Variants in GPR33 observed in about 807,000 individuals in gnomAD.
GPR33 encodes the protein probable G protein-coupled receptor 33.
In GPR33, 4 loss-of-function variants were observed where a neutral mutation model predicts 3.1. The ratio of observed to expected loss-of-function variants is 1.29; its 90% CI spans 0.64 to 2.96. The LOEUF (loss-of-function observed/expected upper bound fraction) is 2.96. GPR33 is among the 30% of genes most tolerant of loss of function. The pLI, the probability that GPR33 is intolerant of heterozygous loss-of-function variation, is 0.01. For synonymous variants in GPR33, 138 were observed against 142.0 expected (o/e 0.97, Z 0.20); for missense variants, 390 against 388.9 (o/e 1.00, Z -0.02).
intron 1 of GPR33, among the ~76,000 whole-genome samples, chr14:31,487,507 C>T (rs2139381311): frequency 7.4e-6 from 1 of 134,938 alleles, no homozygotes; most frequent in Admixed American, 8.3e-5. Flanking sequence ...TGGCGTGATC[C>T]TGGCTCACTG....
intron 1 of GPR33, among the ~76,000 whole-genome samples, chr14:31,487,525 C>G (rs192869532): frequency 6.7e-6 from 1 of 148,332 alleles, no homozygotes; most frequent in Non-Finnish European, 1.5e-5. Flanking sequence ...CTGCAACCTC[C>G]GCCTCCTGGG....
chr14:31,487,446 T>G (rs935662713), intron 1 of GPR33, among the ~76,000 whole-genome samples: 1 of 135,630 alleles, frequency 7.4e-6, no homozygotes, highest in Admixed American at 7.3e-5. Flanking sequence ...TTTTTTTTTT[T>G]TTTTTTTTTT....
At position 31,482,981 on chromosome 14, in the gene GPR33, C is replaced by A. The variant is rs1003327329; in HGVS notation, c.985G>T (p.Glu329Ter). The change falls in exon 2 of 2, where the codon GAA becomes TAA. Residue 329 changes from glutamate to a stop codon, truncating the protein, a stop_gained. Transcript: ENST00000399285. LOFTEE classifies it high-confidence loss of function. ...TTCTGAGTTTAGGTTTGTGTCCTTT[C>A]TACAGAAGAATCTTCACTAAATGTT... ...ESTFSEDSSV[E>*]RTQT The A allele has an allele frequency of 1.6e-5, 25 of 1,519,072 alleles. No homozygotes were observed. Among genetic ancestry groups the A allele is most frequent in the Middle Eastern group, 3.4e-4 (2 of 5,870 alleles). 94.1% of individuals were successfully genotyped at this position (1,519,072 alleles called of 1,614,324 possible). A position where few individuals can be genotyped will look rare whatever the true frequency, so the allele number is the denominator to read the frequency against.
intron 1 of GPR33, among the ~76,000 whole-genome samples, chr14:31,485,581 C>A (rs1041296350): frequency 6.6e-6 from 1 of 150,740 alleles, no homozygotes; most frequent in Non-Finnish European, 1.5e-5. Context: ...TTGCAGTGAG[C>A]CGAACCGAGA....
Position 31,483,542 on chromosome 14 carries a change from G to A in GPR33, c.424C>T (p.Pro142Ser), listed in dbSNP as rs1220667205. Reference sequence around the variant, plus strand: ...AGGACAATGCTGGAAGCCCAGCGCGGGGTTCGGTGCTGCTGGGACCACACT... The same window carrying A: ...AGGACAATGCTGGAAGCCCAGCGCGAGGTTCGGTGCTGCTGGGACCACACT... Reference protein sequence around the residue: ...HPVWSQQHRTPRWASSIVLGV... With the variant: ...HPVWSQQHRTSRWASSIVLGV... Residue 142 changes from proline (P) to serine (S), a missense_variant, in exon 2 of 2, where the codon CCG becomes TCG. Transcript: ENST00000399285. The A allele has an allele frequency of 1.3e-6, 2 of 1,536,136 alleles. No individual in the cohort carries two copies. Among genetic ancestry groups the A allele is most frequent in the Non-Finnish European group, 1.7e-6 (2 of 1,146,912 alleles).
Position 31,487,959 on chromosome 14 carries a change from A to G in GPR33, c.-69T>C, listed in dbSNP as rs2032438098. On this transcript the variant is annotated 5_prime_UTR_variant, in exon 1 of 2. Coordinates refer to ENST00000399285, the MANE Select transcript of GPR33 (RefSeq NM_001197184.3). ...AGGCCAAAGTGACTCTACACCATCA[A>G]TTTCTCACTAGGAACAGAGTGAACA... 1 of 152,114 alleles carries G rather than the reference A, an allele frequency of 6.6e-6. No individual in the cohort carries two copies. Among genetic ancestry groups the G allele is most frequent in the Non-Finnish European group, 1.5e-5 (1 of 68,034 alleles). The allele number at this position is 152,114 out of a possible 1,614,324, so 9.4% of individuals were successfully genotyped here.
At chr14:31,484,813 G>C (rs1398686830) in intron 1 of GPR33, among the ~76,000 whole-genome samples, 1 of 152,070 alleles carries the variant, frequency 6.6e-6, no homozygotes. Flanking sequence ...CTATTGTCTA[G>C]TATTCTAATA....
chr14:31,484,050 T>C, intron 1 of GPR33, 79 bp from the exon 2 acceptor site: 1 of 1,162,720 alleles, frequency 8.6e-7, no homozygotes, highest in African/African-American at 1.6e-5. Context: ...AAAGAGTAAT[T>C]TTTTACATAG....
At chr14:31,486,754 A>G (rs2032423154) in intron 1 of GPR33, among the ~76,000 whole-genome samples, 4 of 152,216 alleles carry the variant, frequency 2.6e-5, no homozygotes, top group Admixed American at 1.3e-4. Context: ...GGGGATTTAA[A>G]AATAGGAATG....
intron 1 of GPR33, among the ~76,000 whole-genome samples, chr14:31,485,880 T>C (rs1490096419): frequency 6.6e-6 from 1 of 152,142 alleles, no homozygotes; most frequent in Admixed American, 6.5e-5. Context: ...TGTTTGATTA[T>C]CTAAAATATC....
intron 1 of GPR33, among the ~76,000 whole-genome samples, chr14:31,487,484 G>C (rs981323576): frequency 1.1e-4 from 13 of 118,314 alleles, no homozygotes; most frequent in Non-Finnish European, 1.8e-4. Context: ...CTGTCCCCCA[G>C]GCTGGAGTGC....
intron 1 of GPR33, among the ~76,000 whole-genome samples, chr14:31,487,467 T>A (rs2032433279): frequency 9.3e-6 from 1 of 107,508 alleles, no homozygotes; most frequent in Non-Finnish European, 1.8e-5. Context: ...TCAGATGGAG[T>A]CTTGCTCTGT....
chr14:31,483,387 C>G lies in GPR33; in HGVS notation c.579G>C (p.Glu193Asp). Residue 193 changes from glutamate to aspartate, a missense_variant, in exon 2 of 2, where the codon GAG becomes GAC. Coordinates refer to ENST00000399285, the MANE Select transcript of GPR33 (RefSeq NM_001197184.3). ...GAATCCACTGCCTTGATGCTTGCAT[C>G]TCCTTGCTTTCCCAGTTAGTAGACA... ...YAVSTNWESK[E>D]MQASRQWIHV... 6.5e-7 allele frequency: 1 copy of G among 1,536,166 alleles called. No homozygotes were observed. Among genetic ancestry groups the G allele is most frequent in the Non-Finnish European group, 8.7e-7 (1 of 1,146,918 alleles).
intron 1 of GPR33, among the ~76,000 whole-genome samples, chr14:31,484,558 G>A (rs1388787441): frequency 6.6e-6 from 1 of 152,170 alleles, no homozygotes; most frequent in African/African-American, 2.4e-5. Flanking sequence ...GTGTTGGGAT[G>A]ACAGGTGTGA....
At chr14:31,484,550 G>A (rs550076614) in intron 1 of GPR33, among the ~76,000 whole-genome samples, 67 of 152,294 alleles carry the variant, frequency 4.4e-4, no homozygotes, top group Admixed American at 1.3e-3. Flanking sequence ...CTCGCAAAGT[G>A]TTGGGATGAC....
chr14:31,487,440 T>TTTG (rs1555375924), intron 1 of GPR33, among the ~76,000 whole-genome samples: 1 of 130,802 alleles, frequency 7.6e-6, no homozygotes, highest in Non-Finnish European at 1.6e-5. Flanking sequence ...CAGTTTTTTT[T>TTTG]TTTTTTTTTT....
rs1257473481 is a variant in GPR33 at position 31,483,257 on chromosome 14, G to A, written c.709C>T (p.Leu237=). 6 of 1,536,004 alleles carry A rather than the reference G, an allele frequency of 3.9e-6. No individual in the cohort carries two copies. Among genetic ancestry groups the A allele is most frequent in the East Asian group, 2.4e-5 (1 of 40,936 alleles). Residue 237 remains leucine, a synonymous_variant, in exon 2 of 2, where the codon CTG becomes TTG. Transcript: ENST00000399285. ...RVASKVKERS[L]FKSSKPFKVM... ...TTGAAGGGCTTGCTGGATTTAAACA[G>A]GCTCCTCTCTTTCACCTTGCTGGCT...
rs941753074 is a variant in GPR33, at chr14:31,484,048, A to AT, written c.-6-78dup. The stretch of plus-strand genomic sequence containing the variant: ...GTTAAATGTAAAAATTTAAAGAGTA[A>AT]TTTTTTACATAGTGATACTTCTAGT... On this transcript the variant is annotated intron_variant, in intron 1 of 1. Transcript: ENST00000399285. 21 of 1,161,576 alleles carry AT rather than the reference A, an allele frequency of 1.8e-5. No individual in the cohort carries two copies. The African/African-American group carries it at 3.1e-4, about 17-fold the overall frequency. 72.0% of individuals were successfully genotyped at this position (1,161,576 alleles called of 1,614,324 possible).
intron 1 of GPR33, among the ~76,000 whole-genome samples, chr14:31,486,673 T>G (rs2032422319): frequency 6.6e-6 from 1 of 152,072 alleles, no homozygotes; most frequent in Non-Finnish European, 1.5e-5. Context: ...AGAAAAAAAC[T>G]CAGCAGGATG....
Sources: gnomAD v4.1 joint callset for allele counts (sites outside exome capture counted in the v4.1 genomes callset) on GRCh38, gnomAD v4.1.1 for gene constraint, MANE v1.5 for transcripts, NCBI Gene and HGNC (gene_info 2026-07-23, HGNC 2026-07-21) for gene names.